The following ELMO1 variants were observed in gnomAD, a reference collection of about 807,000 sequenced individuals.
ELMO1 encodes the protein engulfment and cell motility protein 1.
ELMO1 carries 26 observed loss-of-function variants against 98.9 expected under a neutral mutation model. The ratio of observed to expected loss-of-function variants is 0.26; its 90% CI spans 0.19 to 0.36. The LOEUF (loss-of-function observed/expected upper bound fraction) is 0.36. ELMO1 is among the 10% of genes least tolerant of loss of function. The pLI is 1.00. For missense variants in ELMO1, 627 were observed against 935.2 expected (o/e 0.67, Z 4.30); for synonymous variants, 346 against 346.0 (o/e 1.00, Z 0.00).
At position 36,869,995 on chromosome 7, in the gene ELMO1, C is replaced by T. The variant is rs139647482; in HGVS notation, c.1905+398G>A. Among the ~76,000 whole-genome samples, 63 of 152,290 alleles carry T rather than the reference C, an allele frequency of 4.1e-4. 1 individual carries two copies. The East Asian group carries it at 7.1e-3, about 17-fold the overall frequency. ...GGGGAGGATATTAAGAGCATGATTA[C>T]AGCAGAAGACAATGAAAGATATTGG... is the stretch of plus-strand genomic sequence containing the variant. On this transcript the variant is annotated intron_variant, in intron 20 of 21. Transcript: ENST00000310758.
intron 16 of ELMO1, among the ~76,000 whole-genome samples, chr7:36,926,545 G>A (rs1562830216): frequency 6.6e-6 from 1 of 151,932 alleles, no homozygotes; most frequent in Non-Finnish European, 1.5e-5. Flanking sequence ...TCCAGCTTTG[G>A]GATCCACTCA....
At chr7:37,037,578 G>T (rs1795263116) in intron 15 of ELMO1, among the ~76,000 whole-genome samples, 1 of 152,100 alleles carries the variant, frequency 6.6e-6, no homozygotes, top group African/African-American at 2.4e-5. Flanking sequence ...CCCTAGCAAG[G>T]GACTGACAAT....
intron 1 of ELMO1, among the ~76,000 whole-genome samples, chr7:37,347,070 C>T (rs889418128): frequency 3.9e-5 from 6 of 152,124 alleles, no homozygotes; most frequent in African/African-American, 7.2e-5. Context: ...TAACAAACCA[C>T]GAGAGAAAGG....
Position 37,294,347 on chromosome 7 carries a change from A to T in ELMO1, c.192+20503T>A, listed in dbSNP as rs532125532. On this transcript the variant is annotated intron_variant, in intron 4 of 21. Coordinates refer to ENST00000310758, the MANE Select transcript of ELMO1 (RefSeq NM_014800.11). ...ACTCCAGCCTAGGTGACTGAGCGAGAAGCCATTTAAAAAAAAAAAAAAAAG... is the reference window on the plus strand; with the variant it reads ...ACTCCAGCCTAGGTGACTGAGCGAGTAGCCATTTAAAAAAAAAAAAAAAAG... Among the ~76,000 whole-genome samples, 371 of 132,570 alleles carry T rather than the reference A, an allele frequency of 2.8e-3. 3 individuals are homozygous for T. Among genetic ancestry groups the T allele is most frequent in the African/African-American group, 9.3e-3 (361 of 38,882 alleles). The allele number at this position is 132,570 out of a possible 152,430, so 87.0% of individuals were successfully genotyped here.
At chr7:37,292,659 C>T (rs1215234146) in intron 4 of ELMO1, among the ~76,000 whole-genome samples, 1 of 92,522 alleles carries the variant, frequency 1.1e-5, no homozygotes, top group Non-Finnish European at 2.7e-5. Flanking sequence ...AAGTGAGGAG[C>T]CCCTCCGCCC....
chr7:37,246,828 A>G (rs1338474119), intron 6 of ELMO1, among the ~76,000 whole-genome samples: 2 of 151,882 alleles, frequency 1.3e-5, no homozygotes, highest in East Asian at 1.9e-4. Flanking sequence ...ATCTATATAT[A>G]TATCTGTATA....
intron 14 of ELMO1, among the ~76,000 whole-genome samples, chr7:37,130,085 T>C (rs1379693150): frequency 1.3e-5 from 2 of 152,174 alleles, no homozygotes; most frequent in Non-Finnish European, 2.9e-5. Flanking sequence ...TCCAGGAAGC[T>C]TTCCTGACCT....
intron 15 of ELMO1, among the ~76,000 whole-genome samples, chr7:37,040,263 A>G (rs182055028): frequency 6.6e-6 from 1 of 152,362 alleles, no homozygotes; most frequent in Non-Finnish European, 1.5e-5. Context: ...GCACAAAACT[A>G]AATAAAGCCA....
intron 14 of ELMO1, among the ~76,000 whole-genome samples, chr7:37,113,972 C>A (rs1239723391): frequency 6.6e-6 from 1 of 152,096 alleles, no homozygotes; most frequent in Non-Finnish European, 1.5e-5. Context: ...TTTAAGCCAC[C>A]CAGTATGTGA....
chr7:37,076,391 C>T (rs879272744), intron 15 of ELMO1, among the ~76,000 whole-genome samples: 14 of 152,174 alleles, frequency 9.2e-5, no homozygotes, highest in Non-Finnish European at 1.6e-4. Context: ...ATACAGACAA[C>T]CATGTGGCAT....
chr7:37,372,349 T>A (rs2131359749), intron 1 of ELMO1, among the ~76,000 whole-genome samples: 1 of 152,288 alleles, frequency 6.6e-6, no homozygotes, highest in South Asian at 2.1e-4. Flanking sequence ...GTAAATCGGT[T>A]AACCTTGACA....
intron 15 of ELMO1, among the ~76,000 whole-genome samples, chr7:37,078,361 T>C (rs1000122969): frequency 6.6e-6 from 1 of 152,200 alleles, no homozygotes; most frequent in Admixed American, 6.5e-5. Flanking sequence ...TATAAATCTC[T>C]ATCATAAATA....
At chr7:37,387,390 G>T (rs912871283) in intron 1 of ELMO1, among the ~76,000 whole-genome samples, 2 of 152,158 alleles carry the variant, frequency 1.3e-5, no homozygotes, top group Non-Finnish European at 2.9e-5. Flanking sequence ...TTGGCTTATA[G>T]CAGCAACACT....
chr7:37,436,302 G>GT (rs1464030679), intron 1 of ELMO1, among the ~76,000 whole-genome samples: 1 of 152,218 alleles, frequency 6.6e-6, no homozygotes, highest in Non-Finnish European at 1.5e-5. Context: ...GGACACTGTA[G>GT]TTGCTGAATA....
chr7:37,069,105 G>C (rs1432258107), intron 15 of ELMO1, among the ~76,000 whole-genome samples: 2 of 151,998 alleles, frequency 1.3e-5, no homozygotes, highest in Admixed American at 1.3e-4. Flanking sequence ...TGCTCCCTGG[G>C]AGCCTCCCAG....
intron 8 of ELMO1, among the ~76,000 whole-genome samples, chr7:37,227,108 T>C (rs1793913954): frequency 6.6e-6 from 1 of 152,228 alleles, no homozygotes; most frequent in Non-Finnish European, 1.5e-5. Flanking sequence ...GAATCCATAA[T>C]CACTGGTGAT....
intron 17 of ELMO1, among the ~76,000 whole-genome samples, chr7:36,893,546 G>A (rs1805737311): frequency 6.6e-6 from 1 of 152,202 alleles, no homozygotes; most frequent in Non-Finnish European, 1.5e-5. Flanking sequence ...TTCCAACAGT[G>A]CTTCTTAAGA....
intron 1 of ELMO1, among the ~76,000 whole-genome samples, chr7:37,390,307 G>T (rs548015726): frequency 3.3e-5 from 5 of 152,144 alleles, no homozygotes; most frequent in Admixed American, 3.3e-4. Context: ...GAGTATGAAC[G>T]GTTTCACATG....
chr7:37,433,361 C>T (rs1805011820), intron 1 of ELMO1, among the ~76,000 whole-genome samples: 1 of 152,192 alleles, frequency 6.6e-6, no homozygotes, highest in Admixed American at 6.5e-5. Context: ...TGTGAAAGCA[C>T]AATCAATGCC....
Sources: gnomAD v4.1 joint callset for allele counts (sites outside exome capture counted in the v4.1 genomes callset) on GRCh38, gnomAD v4.1.1 for gene constraint, MANE v1.5 for transcripts, NCBI Gene and HGNC (gene_info 2026-07-23, HGNC 2026-07-21) for gene names.